Variants in DOCK3 observed in about 807,000 individuals in gnomAD.
DOCK3 encodes dedicator of cytokinesis protein 3.
Under a neutral mutation model 265.6 loss-of-function variants are expected in DOCK3, and 60 were observed. The ratio of observed to expected loss-of-function variants is 0.23; its 90% CI spans 0.18 to 0.28. The LOEUF (loss-of-function observed/expected upper bound fraction) is 0.28. DOCK3 is among the 10% of genes least tolerant of loss of function. DOCK3 has a pLI of 1.00. For missense variants in DOCK3, 1,981 were observed against 2,594.3 expected, an observed-to-expected ratio of 0.76 and a Z score of 5.14; for synonymous variants, 881 against 938.0, an observed-to-expected ratio of 0.94 and a Z score of 1.11.
chr3:50,912,697 G>T (rs1186839042), intron 4 of DOCK3, among the ~76,000 whole-genome samples: 1 of 151,488 alleles, frequency 6.6e-6, no homozygotes, highest in Non-Finnish European at 1.5e-5. Context: ...TCCAAAGGCA[G>T]AGAAACCTCA....
rs1024651880 is a variant in DOCK3 at position 51,359,115 on chromosome 3, T to A, written c.4884+1038T>A. On this transcript the variant is annotated intron_variant, in intron 46 of 52. Transcript: ENST00000266037. The surrounding 1 kb of genome is among the most constrained non-coding windows in gnomAD (Gnocchi z 4.8). ...GCACGAGGTTGTCATGAGCAAAAAA[T>A]TCCCCCTCTAGGGATAACCATGGCC... 6.6e-6 allele frequency among the ~76,000 whole-genome samples: 1 copy of A among 152,114 alleles called. No individual in the cohort carries two copies. Among genetic ancestry groups the A allele is most frequent in the South Asian group, 2.1e-4 (1 of 4,826 alleles).
chr3:51,256,573 G>C (rs573017557), intron 22 of DOCK3, among the ~76,000 whole-genome samples: 2 of 150,088 alleles, frequency 1.3e-5, no homozygotes, highest in South Asian at 4.2e-4. Context: ...ACCCAGCGAA[G>C]AGCTTGAGTT....
chr3:50,792,770 T>G (rs2042546943), intron 2 of DOCK3, among the ~76,000 whole-genome samples: 2 of 152,206 alleles, frequency 1.3e-5, no homozygotes, highest in South Asian at 4.1e-4. Context: ...AATCTTGCAT[T>G]CCAGGGATAA....
intron 12 of DOCK3, among the ~76,000 whole-genome samples, chr3:51,207,154 G>A (rs898094663): frequency 6.6e-6 from 1 of 152,148 alleles, no homozygotes; most frequent in African/African-American, 2.4e-5. Context: ...AGCTGTGAAG[G>A]TCACAAATAC....
intron 3 of DOCK3, among the ~76,000 whole-genome samples, chr3:50,845,875 A>G (rs1044872071): frequency 6.6e-6 from 1 of 152,298 alleles, no homozygotes. Flanking sequence ...GGTAAAATGT[A>G]TGTAGATTGA....
At chr3:50,702,131 C>T (rs1012102114) in intron 1 of DOCK3, among the ~76,000 whole-genome samples, 4 of 152,238 alleles carry the variant, frequency 2.6e-5, no homozygotes, top group Non-Finnish European at 5.9e-5. Context: ...ATGAGGATTG[C>T]ATTGAATCTG....
intron 6 of DOCK3, among the ~76,000 whole-genome samples, chr3:51,069,899 C>G (rs1338712017): frequency 6.6e-6 from 1 of 152,142 alleles, no homozygotes; most frequent in East Asian, 1.9e-4. Context: ...TGATATTTTC[C>G]AGCGTTAGGA....
intron 27 of DOCK3, among the ~76,000 whole-genome samples, chr3:51,290,908 T>A (rs1446200567): frequency 1.3e-5 from 2 of 151,952 alleles, no homozygotes; most frequent in African/African-American, 4.8e-5. Context: ...TGAAACCCTG[T>A]CTCTACTAAA....
At chr3:51,043,449 A>G (rs1340960399) in intron 5 of DOCK3, among the ~76,000 whole-genome samples, 1 of 152,234 alleles carries the variant, frequency 6.6e-6, no homozygotes, top group East Asian at 1.9e-4. Flanking sequence ...GATGGATAAA[A>G]GACTTAAATG....
chr3:51,016,663 T>A (rs1412376693), intron 5 of DOCK3, among the ~76,000 whole-genome samples: 2 of 94,132 alleles, frequency 2.1e-5, no homozygotes, highest in Non-Finnish European at 3.8e-5. Context: ...TTATATATAT[T>A]ATATGATATA....
intron 32 of DOCK3, among the ~76,000 whole-genome samples, chr3:51,326,923 C>A (rs1202539492): frequency 6.6e-6 from 1 of 152,104 alleles, no homozygotes; most frequent in Non-Finnish European, 1.5e-5. Context: ...CCTCTCCCAG[C>A]CCCTAATTTT....
chr3:51,013,693 G>C (rs1415315844), intron 5 of DOCK3, among the ~76,000 whole-genome samples: 1 of 152,150 alleles, frequency 6.6e-6, no homozygotes, highest in Non-Finnish European at 1.5e-5. Flanking sequence ...GAGAACCACT[G>C]CTCTCTTCAG....
At chr3:51,094,640 G>C (rs1576051021) in intron 9 of DOCK3, among the ~76,000 whole-genome samples, 1 of 151,366 alleles carries the variant, frequency 6.6e-6, no homozygotes, top group East Asian at 2.0e-4. Context: ...TTTTTTTGAA[G>C]AGTTTTTTGT....
intron 3 of DOCK3, among the ~76,000 whole-genome samples, chr3:50,878,944 A>G (rs1183084381): frequency 6.6e-6 from 1 of 152,206 alleles, no homozygotes; most frequent in Non-Finnish European, 1.5e-5. Context: ...CAGAAACTCT[A>G]CAAGCCAGAA....
In DOCK3 at chr3:50,729,824, A is replaced by AT. The variant is rs60842906; in HGVS notation, c.38-48829dup. Among the ~76,000 whole-genome samples the AT allele has an allele frequency of 7.2e-3, 788 of 109,028 alleles. 2 individuals carry two copies. Among genetic ancestry groups the AT allele is most frequent in the Middle Eastern group, 0.016 (3 of 192 alleles). The allele number at this position is 109,028 out of a possible 152,430, so 71.5% of individuals were successfully genotyped here. A position where few individuals can be genotyped will look rare whatever the true frequency, so the allele number is the denominator to read the frequency against. ...AGTCACTGTGCCTGCTCTGAATTTC[A>AT]TTTTTTTTTTTTTTTTTTTTTTGAG... On this transcript the variant is annotated intron_variant, in intron 1 of 52. Transcript: ENST00000266037.
At chr3:50,982,746 T>C (rs2077739509) in intron 5 of DOCK3, among the ~76,000 whole-genome samples, 1 of 152,126 alleles carries the variant, frequency 6.6e-6, no homozygotes, top group Non-Finnish European at 1.5e-5. Context: ...TGGGCTGAGC[T>C]GCCTGCCAGT....
intron 2 of DOCK3, among the ~76,000 whole-genome samples, chr3:50,815,529 A>G (rs1393071831): frequency 6.6e-6 from 1 of 152,030 alleles, no homozygotes; most frequent in East Asian, 1.9e-4. Context: ...CCTAGGTCCT[A>G]TTCTAAACTT....
chr3:51,162,403 T>C (rs757460928), intron 12 of DOCK3, among the ~76,000 whole-genome samples: 3 of 152,228 alleles, frequency 2.0e-5, no homozygotes, highest in African/African-American at 2.4e-5. Flanking sequence ...TCCTTTGGAA[T>C]CATAACTTAC....
intron 4 of DOCK3, among the ~76,000 whole-genome samples, chr3:50,901,413 A>G (rs1037856633): frequency 6.6e-6 from 1 of 152,156 alleles, no homozygotes; most frequent in African/African-American, 2.4e-5. Context: ...GCTTGGCTCC[A>G]TGGGAATGAG....
Sources: allele counts gnomAD v4.1 joint callset (sites outside exome capture counted in the v4.1 genomes callset), GRCh38; gene constraint gnomAD v4.1.1; non-coding constraint Gnocchi (gnomAD v3.1); transcripts MANE v1.5; gene names NCBI Gene and HGNC (gene_info 2026-07-23, HGNC 2026-07-21).